Variants in GRIN2B observed in about 807,000 individuals in gnomAD.
GRIN2B encodes the protein glutamate receptor ionotropic, NMDA 2B.
GRIN2B carries 5 observed loss-of-function variants against 114.5 expected under a neutral mutation model. That is an observed-to-expected ratio of 0.04 (90% CI 0.02 to 0.09). The LOEUF is 0.09. Among genes scored for constraint, GRIN2B ranks in the 10% least tolerant of loss-of-function variants. GRIN2B has a pLI of 1.00. For missense variants in GRIN2B, 1,108 were observed against 1,943.5 expected (o/e 0.57, Z 8.08); for synonymous variants, 787 against 745.1 (o/e 1.06, Z -0.92).
chr12:13,981,161 CAA>C (rs60755034), intron 1 of GRIN2B, among the ~76,000 whole-genome samples, 179 bp downstream of exon 1: 56,621 of 147,168 alleles, frequency 0.38, 12,866 homozygotes, highest in East Asian at 0.6. Flanking sequence ...CCCTCCCCCA[CAA>C]AAAAAAAAAA....
At chr12:13,818,424 C>T in intron 3 of GRIN2B, among the ~76,000 whole-genome samples, 1 of 152,228 alleles carries the variant, frequency 6.6e-6, no homozygotes, top group East Asian at 1.9e-4. Context: ...TTTCATACCA[C>T]TGCAAGCCTA....
intron 10 of GRIN2B, among the ~76,000 whole-genome samples, chr12:13,599,326 A>G (rs532921310): frequency 6.6e-6 from 1 of 152,290 alleles, no homozygotes; most frequent in Non-Finnish European, 1.5e-5. Context: ...AGCAGGCTGC[A>G]CACCTTTTCC....
intron 2 of GRIN2B, among the ~76,000 whole-genome samples, chr12:13,923,455 G>A (rs1866856498): frequency 1.3e-5 from 2 of 152,190 alleles, no homozygotes; most frequent in African/African-American, 4.8e-5. Flanking sequence ...TACCATTAAA[G>A]TTCTATATTG....
chr12:13,638,363 C>T (rs1949683904), intron 5 of GRIN2B, among the ~76,000 whole-genome samples: 1 of 152,032 alleles, frequency 6.6e-6, no homozygotes, highest in Non-Finnish European at 1.5e-5. Flanking sequence ...TTTGTTTTTG[C>T]AAGAAGTAAA....
intron 4 of GRIN2B, among the ~76,000 whole-genome samples, chr12:13,733,233 A>T (rs1368749511): frequency 6.6e-6 from 1 of 152,148 alleles, no homozygotes; most frequent in Non-Finnish European, 1.5e-5. Flanking sequence ...AACCTTGGGC[A>T]TGCTGAACAA....
rs1034465788 is a variant in GRIN2B at position 13,599,231 on chromosome 12, G to A, written c.2010+9372C>T. Among the ~76,000 whole-genome samples, 3 of 152,150 alleles carry A rather than the reference G, an allele frequency of 2.0e-5. No homozygotes were observed. The East Asian group carries it at 5.8e-4, about 29-fold the overall frequency. ...CTCGATGTGGAATCGTAAACTAAAT[G>A]GTTGGGCTTCCCTAGCCTCAGGGAG... On this transcript the variant is annotated intron_variant, in intron 10 of 13. Transcript: ENST00000609686.
intron 2 of GRIN2B, among the ~76,000 whole-genome samples, chr12:13,922,687 A>C (rs1866843822): frequency 6.6e-6 from 1 of 152,196 alleles, no homozygotes; most frequent in African/African-American, 2.4e-5. Flanking sequence ...ACAAACAAAA[A>C]ACTAAAGAGA....
chr12:13,764,825 C>A (rs938959134), intron 3 of GRIN2B, among the ~76,000 whole-genome samples: 2 of 152,204 alleles, frequency 1.3e-5, no homozygotes, highest in Admixed American at 1.3e-4. Context: ...TTATTTCAAA[C>A]AGAAGGAAAC....
chr12:13,773,537 T>C (rs1248539195), intron 3 of GRIN2B, among the ~76,000 whole-genome samples: 1 of 152,214 alleles, frequency 6.6e-6, no homozygotes, highest in African/African-American at 2.4e-5. Flanking sequence ...CAAATGCCTC[T>C]TTTTTCTCAG....
At chr12:13,936,274 C>T (rs528710541) in intron 2 of GRIN2B, among the ~76,000 whole-genome samples, 2 of 152,220 alleles carry the variant, frequency 1.3e-5, no homozygotes, top group East Asian at 3.9e-4. Flanking sequence ...ATTGGAGTTC[C>T]AGTCCTGCCA....
chr12:13,871,746 G>T (rs564518635), intron 2 of GRIN2B, among the ~76,000 whole-genome samples: 16 of 150,406 alleles, frequency 1.1e-4, no homozygotes, highest in Admixed American at 7.9e-4. Flanking sequence ...GAGAAAATGC[G>T]AATGAAAGAG....
chr12:13,846,612 T>C (rs1481783473), intron 3 of GRIN2B, among the ~76,000 whole-genome samples: 1 of 152,194 alleles, frequency 6.6e-6, no homozygotes, highest in Admixed American at 6.5e-5. Flanking sequence ...GAAAAAGCAA[T>C]TAAATCATTT....
chr12:13,770,295 C>T (rs1186275632), intron 3 of GRIN2B, among the ~76,000 whole-genome samples: 1 of 152,162 alleles, frequency 6.6e-6, no homozygotes, highest in Non-Finnish European at 1.5e-5. Context: ...TTCACACTGG[C>T]CAATGAAGTG....
intron 13 of GRIN2B, among the ~76,000 whole-genome samples, chr12:13,565,337 G>A (rs771135568): frequency 1.3e-5 from 2 of 152,230 alleles, no homozygotes; most frequent in Non-Finnish European, 2.9e-5. Context: ...AAAACAGCCA[G>A]TACTAAATAG....
intron 3 of GRIN2B, among the ~76,000 whole-genome samples, chr12:13,819,898 T>C (rs1379160072): frequency 6.6e-6 from 1 of 152,152 alleles, no homozygotes; most frequent in Non-Finnish European, 1.5e-5. Context: ...AAATGGAGAC[T>C]TCCAGTGAAC....
At chr12:13,738,225 A>G (rs1349963389) in intron 4 of GRIN2B, among the ~76,000 whole-genome samples, 1 of 152,220 alleles carries the variant, frequency 6.6e-6, no homozygotes, top group Non-Finnish European at 1.5e-5. Flanking sequence ...ATATAATAAC[A>G]GTGTAGTAAT....
At chr12:13,687,416 A>C (rs968901848) in intron 4 of GRIN2B, among the ~76,000 whole-genome samples, 2 of 152,014 alleles carry the variant, frequency 1.3e-5, no homozygotes, top group Non-Finnish European at 2.9e-5. Context: ...AAACTCCCCA[A>C]TTTGGGGGTA....
intron 2 of GRIN2B, among the ~76,000 whole-genome samples, chr12:13,907,574 A>G (rs1866561497): frequency 6.6e-6 from 1 of 152,168 alleles, no homozygotes; most frequent in Non-Finnish European, 1.5e-5. Flanking sequence ...GAACAGGCAA[A>G]ATTTATCTCA....
At chr12:13,977,952 G>A (rs1863056865) in intron 2 of GRIN2B, among the ~76,000 whole-genome samples, 1 of 151,972 alleles carries the variant, frequency 6.6e-6, no homozygotes. Context: ...CTAGTCTTAG[G>A]GACAACTAAT....
Sources: allele counts gnomAD v4.1 joint callset (sites outside exome capture counted in the v4.1 genomes callset), GRCh38; gene constraint gnomAD v4.1.1; transcripts MANE v1.5; gene names NCBI Gene and HGNC (gene_info 2026-07-23, HGNC 2026-07-21).